The following BOD1L1 variants were observed in gnomAD, a reference collection of about 807,000 sequenced individuals.
The protein encoded by BOD1L1 is biorientation of chromosomes in cell division 1 like 1.
In BOD1L1, 86 loss-of-function variants were observed where a neutral mutation model predicts 240.7. The ratio of observed to expected loss-of-function variants is 0.36; its 90% CI spans 0.30 to 0.43. The LOEUF is 0.43. Ranked by LOEUF, BOD1L1 falls within the 20% of genes least tolerant of loss-of-function variation. The pLI is 1.00. For synonymous variants in BOD1L1, 1,268 were observed against 1,272.3 expected, an observed-to-expected ratio of 1.00 and a Z score of 0.07; for missense variants, 3,554 against 3,643.5, an observed-to-expected ratio of 0.98 and a Z score of 0.63.
chr4:13,576,377 C>A (rs1338293880), intron 25 of BOD1L1, among the ~76,000 whole-genome samples: 1 of 152,058 alleles, frequency 6.6e-6, no homozygotes, highest in Non-Finnish European at 1.5e-5. Context: ...CAAAAATGGT[C>A]AAATTTGGGC....
In BOD1L1 at chr4:13,599,888, T is replaced by G; in HGVS notation, c.7012A>C (p.Met2338Leu). The part of the protein sequence containing the change: ...AIISTSTAEC[M>L]PISASIDRHE... ...CTGTCAATGCTGGCGGAAATTGGCA[T>G]ACATTCTGCTGTGCTGGTGGAGATG... The change falls in exon 10 of 26, where the codon ATG (methionine) becomes CTG (leucine). Residue 2338 changes from methionine (M) to leucine (L), a missense_variant. Met to Leu is a conservative substitution (Grantham distance 15). Around this residue, in one of 2 missense-constraint regions of BOD1L1, gnomAD observed 3,393 missense variants for 3,427.1 expected, o/e 0.99. Transcript: ENST00000040738. The G allele has an allele frequency of 6.2e-7, 1 of 1,613,960 alleles. No homozygotes were observed. The highest frequency in any genetic ancestry group is 8.5e-7 in the Non-Finnish European group (1 of 1,179,864).
At chr4:13,620,112 T>C (rs192693681) in intron 1 of BOD1L1, 45 bp from the exon 2 acceptor site, 26 of 1,529,192 alleles carry the variant, frequency 1.7e-5, no homozygotes, top group South Asian at 1.3e-5. Flanking sequence ...TTATACAGTA[T>C]CAATATTCAC....
At chr4:13,577,771 A>G (rs1221560212) in intron 22 of BOD1L1, 140 bp from the exon 23 acceptor site, 2 of 639,142 alleles carry the variant, frequency 3.1e-6, no homozygotes, top group Non-Finnish European at 5.3e-6. Context: ...CAGTCAAGCA[A>G]AGATAGAATC....
chr4:13,573,467 TCTA>T (rs1169933121), intron 25 of BOD1L1, among the ~76,000 whole-genome samples: 91 of 108,184 alleles, frequency 8.4e-4, no homozygotes, highest in African/African-American at 1.0e-3. Flanking sequence ...TATCTATCTA[TCTA>T]TCTTTCTTTC....
At chr4:13,596,994 A>G in intron 11 of BOD1L1, 110 bp downstream of exon 11, 1 of 840,592 alleles carries the variant, frequency 1.2e-6, no homozygotes, top group Admixed American at 2.4e-5. Context: ...TAAATATCAT[A>G]AGTACAATGA....
In BOD1L1 at chr4:13,600,368, T is replaced by C. The variant is rs543504474; in HGVS notation, c.6532A>G (p.Arg2178Gly). 6.2e-7 allele frequency: 1 copy of C among 1,614,042 alleles called. No individual in the cohort carries two copies. The highest frequency in any genetic ancestry group is 1.3e-5 in the African/African-American group (1 of 75,058). Residue 2178 changes from arginine to glycine, a missense_variant, in exon 10 of 26, where the codon AGG (arginine) becomes GGG (glycine). By Grantham distance (125) the Arg-to-Gly change is moderately radical (BLOSUM62 -2). Around this residue, in one of 2 missense-constraint regions of BOD1L1, gnomAD observed 3,393 missense variants for 3,427.1 expected, o/e 0.99. Coordinates refer to ENST00000040738, the MANE Select transcript of BOD1L1 (RefSeq NM_148894.3). ...CTTATCAAGACTGGACCTGTAGCCC[T>C]TTCTTCCACTGCTGCAGCAACCGGC... Reference protein sequence around the residue: ...LQPVAAAVEERATGPVLISTA... With the variant: ...LQPVAAAVEEGATGPVLISTA...
chr4:13,612,764 ATTTAGGGTCGGAG>A (rs1450839457), intron 5 of BOD1L1, among the ~76,000 whole-genome samples: 1 of 152,056 alleles, frequency 6.6e-6, no homozygotes, highest in East Asian at 1.9e-4. Context: ...TAACGATGTG[ATTTAGGGTCGGAG>A]TGTTGGGTCA....
At position 13,581,071 on chromosome 4, in the gene BOD1L1, C is replaced by T. The variant is rs1443994598; in HGVS notation, c.8669-17G>A. On this transcript the variant is annotated splice_polypyrimidine_tract_variant and intron_variant, in intron 20 of 25. Coordinates refer to ENST00000040738, the MANE Select transcript of BOD1L1 (RefSeq NM_148894.3). ...AGTCGTCTTCTAAAAAAAAAAAATTCACTTAGAAAATCGGTTCGAAAATTT... is the reference window on the plus strand; with the variant it reads ...AGTCGTCTTCTAAAAAAAAAAAATTTACTTAGAAAATCGGTTCGAAAATTT... The T allele has an allele frequency of 2.6e-6, 4 of 1,561,484 alleles. No individual in the cohort carries two copies. Among genetic ancestry groups the T allele is most frequent in the East Asian group, 4.6e-5 (2 of 43,106 alleles).
rs1715776856 is a variant in BOD1L1 at position 13,607,174 on chromosome 4, GT to G, written c.1757del (p.Asn586ThrfsTer33). 6.4e-7 allele frequency: 1 copy of G among 1,572,568 alleles called. No individual in the cohort carries two copies. The highest frequency in any genetic ancestry group is 1.4e-5 in the African/African-American group (1 of 72,818). Reference sequence around the variant, plus strand: ...CTTCATATTGCTGTTTCTTTTTGGAGTTCTCTTCAACATTCCTAAGGGGGAA... The same window carrying G: ...CTTCATATTGCTGTTTCTTTTTGGAGTCTCTTCAACATTCCTAAGGGGGAA... ...RKKDSRNVEE[N>X]SKKKQQYEED... On this transcript the variant is annotated frameshift_variant, in exon 9 of 26. Coordinates refer to ENST00000040738, the MANE Select transcript of BOD1L1 (RefSeq NM_148894.3). LOFTEE classifies it high-confidence loss of function.
rs140977914 is a variant in BOD1L1 at position 13,617,115 on chromosome 4, C to T, written c.369-1613G>A. Among the ~76,000 whole-genome samples, 646 of 151,698 alleles carry T rather than the reference C, an allele frequency of 4.3e-3. 10 individuals carry two copies. The East Asian group carries it at 0.047, about 11-fold the overall frequency. On this transcript the variant is annotated intron_variant, in intron 2 of 25. Coordinates refer to ENST00000040738, the MANE Select transcript of BOD1L1 (RefSeq NM_148894.3). ...CAAAAATTAGCTGGGTGTGGTGGCA[C>T]GTGCCTGTAATCCCAGCTACTTGGG...
At chr4:13,584,181 G>A (rs917426564) in intron 17 of BOD1L1, among the ~76,000 whole-genome samples, 1 of 152,098 alleles carries the variant, frequency 6.6e-6, no homozygotes, top group Non-Finnish European at 1.5e-5. Context: ...ATGGCTTGTC[G>A]TACATCCAAT....
intron 21 of BOD1L1, 66 bp downstream of exon 21, chr4:13,580,954 T>C: frequency 3.5e-6 from 5 of 1,408,898 alleles, no homozygotes; most frequent in Admixed American, 2.4e-5. Context: ...ATACTAGATA[T>C]TGCATTATAC....
intron 22 of BOD1L1, among the ~76,000 whole-genome samples, chr4:13,579,692 A>G (rs1713067007): frequency 6.6e-6 from 1 of 152,214 alleles, no homozygotes; most frequent in South Asian, 2.1e-4. Context: ...AACATTTTGG[A>G]ATATATTCTT....
chr4:13,574,664 G>C (rs1418422489), intron 25 of BOD1L1, among the ~76,000 whole-genome samples: 1 of 152,088 alleles, frequency 6.6e-6, no homozygotes, highest in Non-Finnish European at 1.5e-5. Context: ...CCAAATGCAT[G>C]GGTGTTGGGC....
intron 2 of BOD1L1, among the ~76,000 whole-genome samples, chr4:13,616,017 C>T (rs1401736926): frequency 1.3e-5 from 2 of 152,074 alleles, no homozygotes. Flanking sequence ...AGAAGGAAAA[C>T]TTTAGAGAAA....
At chr4:13,578,600 T>G (rs534539721) in intron 22 of BOD1L1, among the ~76,000 whole-genome samples, 2 of 152,290 alleles carry the variant, frequency 1.3e-5, no homozygotes, top group African/African-American at 4.8e-5. Context: ...CAGGCTAGAG[T>G]GCAGTGGTGC....
At chr4:13,574,652 A>G (rs916669849) in intron 25 of BOD1L1, among the ~76,000 whole-genome samples, 1 of 152,110 alleles carries the variant, frequency 6.6e-6, no homozygotes, top group Non-Finnish European at 1.5e-5. Context: ...TGGATGCTAT[A>G]CCCAAATGCA....
At position 13,600,886 on chromosome 4, in the gene BOD1L1, C is replaced by T. The variant is rs1269388276; in HGVS notation, c.6014G>A (p.Gly2005Glu). Reference protein sequence around the residue: ...EDTTISTGLVGGSYDVLVSGE... With the variant: ...EDTTISTGLVEGSYDVLVSGE... Reference sequence around the variant, plus strand: ...AGATACAAGAACATCGTAACTACCCCCGACCAGGCCAGTGGAAATAGTGGT... The same window carrying T: ...AGATACAAGAACATCGTAACTACCCTCGACCAGGCCAGTGGAAATAGTGGT... Residue 2005 changes from glycine (G) to glutamate (E), a missense_variant, in exon 10 of 26, where the codon GGG becomes GAG. Around this residue, in one of 2 missense-constraint regions of BOD1L1, gnomAD observed 3,393 missense variants for 3,427.1 expected, o/e 0.99. Coordinates refer to ENST00000040738, the MANE Select transcript of BOD1L1 (RefSeq NM_148894.3). The T allele has an allele frequency of 6.2e-7, 1 of 1,613,884 alleles. No individual in the cohort carries two copies. The highest frequency in any genetic ancestry group is 1.1e-5 in the South Asian group (1 of 91,064).
chr4:13,584,427 A>T (rs1577321168), intron 17 of BOD1L1, among the ~76,000 whole-genome samples: 1 of 136,250 alleles, frequency 7.3e-6, no homozygotes, highest in Non-Finnish European at 1.5e-5. Context: ...TGGCGGGGAG[A>T]GAAAGAGAGA....
Sources: allele counts gnomAD v4.1 joint callset (sites outside exome capture counted in the v4.1 genomes callset), GRCh38; gene constraint gnomAD v4.1.1; regional missense constraint gnomAD v4.1.1; transcripts MANE v1.5; gene names NCBI Gene and HGNC (gene_info 2026-07-23, HGNC 2026-07-21).